The following NRG3 variants were observed in gnomAD, a reference collection of about 807,000 sequenced individuals.
NRG3 encodes neuregulin 3.
NRG3 carries 31 observed loss-of-function variants against 66.9 expected under a neutral mutation model. The observed-to-expected ratio is 0.46, with a 90% CI of 0.35 to 0.63. The LOEUF (loss-of-function observed/expected upper bound fraction) is 0.63. Among genes scored for constraint, NRG3 ranks in the 20% least tolerant of loss-of-function variants. The pLI, the probability that NRG3 is intolerant of heterozygous loss-of-function variation, is 0.00. For missense variants in NRG3, 910 were observed against 878.9 expected (o/e 1.04, Z -0.45); for synonymous variants, 393 against 359.4 (o/e 1.09, Z -1.06).
chr10:82,456,976 G>A (rs1453779245), intron 2 of NRG3, among the ~76,000 whole-genome samples: 2 of 151,984 alleles, frequency 1.3e-5, no homozygotes, highest in South Asian at 2.1e-4. Context: ...CCTCTCCTTG[G>A]AATGCCTGCG....
intron 1 of NRG3, among the ~76,000 whole-genome samples, chr10:82,011,309 G>A (rs1415044738): frequency 6.6e-6 from 1 of 152,068 alleles, no homozygotes; most frequent in Non-Finnish European, 1.5e-5. Context: ...ACTATTACAA[G>A]AACAGTATGA....
intron 4 of NRG3, among the ~76,000 whole-genome samples, chr10:82,910,366 G>C (rs1029752146): frequency 6.6e-6 from 1 of 152,202 alleles, no homozygotes; most frequent in Non-Finnish European, 1.5e-5. Context: ...ACAGCTACTA[G>C]AGGAATTAAG....
intron 2 of NRG3, among the ~76,000 whole-genome samples, chr10:82,616,644 T>C (rs2048670681): frequency 6.6e-6 from 1 of 152,216 alleles, no homozygotes; most frequent in Admixed American, 6.5e-5. Context: ...ATGTTCTTTG[T>C]TTTTCTTATA....
intron 2 of NRG3, among the ~76,000 whole-genome samples, chr10:82,574,841 A>G (rs575854064): frequency 6.6e-5 from 10 of 151,824 alleles, no homozygotes; most frequent in Non-Finnish European, 1.3e-4. Context: ...AAGGATGAAT[A>G]TCGCACAATG....
intron 2 of NRG3, among the ~76,000 whole-genome samples, chr10:82,420,311 T>G (rs149556391): frequency 6.6e-6 from 1 of 152,264 alleles, no homozygotes; most frequent in African/African-American, 2.4e-5. Flanking sequence ...GAAGTCATAA[T>G]TAGGGATGCA....
intron 1 of NRG3, among the ~76,000 whole-genome samples, chr10:82,125,677 T>G (rs1368966202): frequency 3.3e-5 from 5 of 151,994 alleles, no homozygotes; most frequent in Non-Finnish European, 5.9e-5. Flanking sequence ...TTCTCCAAAA[T>G]ATTGAACTCA....
At chr10:82,166,827 G>C in intron 1 of NRG3, 2 of 668,526 alleles carry the variant, frequency 3.0e-6, no homozygotes, top group South Asian at 1.6e-5. Flanking sequence ...TACAAATTTT[G>C]TAAGTCTGAA....
At chr10:82,239,146 T>A in intron 1 of NRG3, among the ~76,000 whole-genome samples, 1 of 151,914 alleles carries the variant, frequency 6.6e-6, no homozygotes, top group East Asian at 1.9e-4. Flanking sequence ...ATTAAATAGT[T>A]TAAATATTTT....
intron 4 of NRG3, among the ~76,000 whole-genome samples, chr10:82,912,438 C>T (rs187725177): frequency 5.5e-4 from 84 of 152,134 alleles, no homozygotes; most frequent in Admixed American, 1.7e-3. Context: ...CTTGCACTGA[C>T]GTCTTCTGTC....
At chr10:82,844,413 C>T (rs2063210275) in intron 3 of NRG3, among the ~76,000 whole-genome samples, 1 of 152,082 alleles carries the variant, frequency 6.6e-6, no homozygotes, top group Admixed American at 6.6e-5. Flanking sequence ...TGAGTCCTGC[C>T]CTTGTTATCA....
intron 2 of NRG3, among the ~76,000 whole-genome samples, chr10:82,530,235 C>A (rs1035425689): frequency 2.0e-5 from 3 of 152,016 alleles, no homozygotes; most frequent in African/African-American, 7.2e-5. Context: ...AGGCAATGTT[C>A]TTATTAAATT....
At chr10:82,254,204 G>T (rs1363505744) in intron 1 of NRG3, among the ~76,000 whole-genome samples, 1 of 152,154 alleles carries the variant, frequency 6.6e-6, no homozygotes, top group African/African-American at 2.4e-5. Flanking sequence ...AGAATGGAAG[G>T]TTCCAGATAT....
chr10:82,092,962 A>C (rs2066118533), intron 1 of NRG3, among the ~76,000 whole-genome samples: 1 of 152,180 alleles, frequency 6.6e-6, no homozygotes, highest in Admixed American at 6.5e-5. Flanking sequence ...TTCCATGTGC[A>C]ATGAAGGCCC....
chr10:82,273,962 A>G (rs1299500806), intron 1 of NRG3, among the ~76,000 whole-genome samples: 1 of 151,988 alleles, frequency 6.6e-6, no homozygotes, highest in African/African-American at 2.4e-5. Flanking sequence ...CTACAAATAC[A>G]TAACTTAATT....
intron 1 of NRG3, chr10:82,229,171 A>C (rs571244496): frequency 6.6e-6 from 1 of 152,242 alleles, no homozygotes; most frequent in African/African-American, 2.4e-5. Flanking sequence ...CATATAGTCT[A>C]TGAAGACTCA....
At chr10:82,961,982 G>A (rs1354972448) in intron 6 of NRG3, among the ~76,000 whole-genome samples, 13 of 152,192 alleles carry the variant, frequency 8.5e-5, no homozygotes, top group Admixed American at 8.5e-4. Context: ...AAATTGCAGT[G>A]TTTAACAAAT....
intron 3 of NRG3, among the ~76,000 whole-genome samples, chr10:82,854,146 T>C (rs991615180): frequency 3.3e-5 from 5 of 152,188 alleles, no homozygotes; most frequent in African/African-American, 1.2e-4. Context: ...GATATAGATA[T>C]ATTGCTACTA....
chr10:82,307,009 C>T (rs926009296), intron 1 of NRG3, among the ~76,000 whole-genome samples: 17 of 151,614 alleles, frequency 1.1e-4, no homozygotes, highest in Non-Finnish European at 2.1e-4. Flanking sequence ...TTTTAAATTC[C>T]TAGTTGTCTT....
At chr10:82,520,170 G>T (rs1846056886) in intron 2 of NRG3, among the ~76,000 whole-genome samples, 1 of 148,662 alleles carries the variant, frequency 6.7e-6, no homozygotes, top group Admixed American at 6.8e-5. Context: ...GCTGTCCTAG[G>T]GCTTCCATCT....
Sources: allele counts gnomAD v4.1 joint callset (sites outside exome capture counted in the v4.1 genomes callset), GRCh38; gene constraint gnomAD v4.1.1; transcripts MANE v1.5; gene names NCBI Gene and HGNC (gene_info 2026-07-23, HGNC 2026-07-21).